FHIP1A: variants seen among roughly 807,000 people sequenced by gnomAD.
FHIP1A encodes the protein FHF complex subunit HOOK interacting protein 1A, also known as FHF complex subunit HOOK-interacting protein 1A.
Under a neutral mutation model 88.6 loss-of-function variants are expected in FHIP1A, and 61 were observed. The observed-to-expected ratio is 0.69, with a 90% confidence interval of 0.56 to 0.85. The LOEUF (loss-of-function observed/expected upper bound fraction) is 0.85, where lower values mean the gene tolerates loss of function less well. Ranked by LOEUF, FHIP1A falls within the 40% of genes least tolerant of loss-of-function variation. The probability of loss-of-function intolerance (pLI) is 0.00; values close to 1 mark genes in which losing one functional copy is unlikely to be tolerated. For synonymous variants in FHIP1A, 478 were observed against 496.0 expected (o/e 0.96, Z 0.48); for missense variants, 1,154 against 1,273.5 (o/e 0.91, Z 1.43).
intron 1 of FHIP1A, among the ~76,000 whole-genome samples, chr4:151,441,979 TG>T (rs1164110731): frequency 1.3e-5 from 2 of 152,242 alleles, no homozygotes; most frequent in Non-Finnish European, 2.9e-5. Context: ...AGTTAACATT[TG>T]CCTCCTATTT....
intron 3 of FHIP1A, among the ~76,000 whole-genome samples, chr4:151,539,331 C>G (rs943950163): frequency 6.6e-6 from 1 of 152,114 alleles, no homozygotes; most frequent in East Asian, 1.9e-4. Context: ...CCTGTAATCC[C>G]AGCGCTTTGG....
intron 7 of FHIP1A, among the ~76,000 whole-genome samples, chr4:151,593,439 T>G (rs202014816): frequency 3.9e-5 from 6 of 152,208 alleles, no homozygotes; most frequent in Non-Finnish European, 8.8e-5. Context: ...CTTATTTCCT[T>G]GAGCAGTGGT....
At chr4:151,479,485 T>A (rs1355239103) in intron 2 of FHIP1A, among the ~76,000 whole-genome samples, 1 of 152,124 alleles carries the variant, frequency 6.6e-6, no homozygotes, top group Non-Finnish European at 1.5e-5. Flanking sequence ...CCCAGTTCAA[T>A]CCTTTTTGAG....
rs185924286 is a variant in FHIP1A, at chr4:151,434,635, A to G, written c.-355-20066A>G. Reference sequence around the variant, plus strand: ...TTGGATTTTTTTTCCCCAGTCATTCATAAATGTTACCAGTTGGCTCATTTG... The same window carrying G: ...TTGGATTTTTTTTCCCCAGTCATTCGTAAATGTTACCAGTTGGCTCATTTG... On this transcript the variant is annotated intron_variant, in intron 1 of 13. Transcript: ENST00000435205. Among the ~76,000 whole-genome samples the G allele has an allele frequency of 5.9e-5, 9 of 152,310 alleles. No individual in the cohort carries two copies. In the East Asian group the frequency reaches 1.7e-3, roughly 29 times the overall value.
At chr4:151,522,019 C>T (rs1580663779) in intron 3 of FHIP1A, among the ~76,000 whole-genome samples, 2 of 152,312 alleles carry the variant, frequency 1.3e-5, no homozygotes, top group Non-Finnish European at 2.9e-5. Context: ...AGCTACCATG[C>T]CTGGCTGATG....
intron 7 of FHIP1A, among the ~76,000 whole-genome samples, chr4:151,591,429 A>AT (rs997252199): frequency 2.2e-4 from 34 of 151,534 alleles, no homozygotes; most frequent in African/African-American, 6.3e-4. Flanking sequence ...CATGAGCATT[A>AT]TTTTTTTTAA....
intron 1 of FHIP1A, among the ~76,000 whole-genome samples, chr4:151,413,735 A>G (rs992769131): frequency 1.3e-5 from 2 of 151,806 alleles, no homozygotes; most frequent in Non-Finnish European, 2.9e-5. Flanking sequence ...GATTACAGAC[A>G]TGAGCCACCG....
At chr4:151,457,481 G>A (rs1729007586) in intron 2 of FHIP1A, among the ~76,000 whole-genome samples, 1 of 152,012 alleles carries the variant, frequency 6.6e-6, no homozygotes, top group Admixed American at 6.6e-5. Flanking sequence ...GGGAGAGAGG[G>A]GTTTTGTGTT....
intron 3 of FHIP1A, among the ~76,000 whole-genome samples, chr4:151,536,590 C>T (rs1732079101): frequency 6.6e-6 from 1 of 152,180 alleles, no homozygotes; most frequent in African/African-American, 2.4e-5. Context: ...TTTTTTCGCT[C>T]AGCATAATTC....
At chr4:151,619,301 G>C (rs955786073) in intron 7 of FHIP1A, among the ~76,000 whole-genome samples, 1 of 152,148 alleles carries the variant, frequency 6.6e-6, no homozygotes, top group Non-Finnish European at 1.5e-5. Context: ...AAAATTAAAT[G>C]TTAGTGTTGT....
At chr4:151,593,582 A>G (rs191791375) in intron 7 of FHIP1A, among the ~76,000 whole-genome samples, 2 of 152,172 alleles carry the variant, frequency 1.3e-5, no homozygotes, top group Non-Finnish European at 2.9e-5. Context: ...ATTTATGTAT[A>G]GGAATGCTCG....
intron 13 of FHIP1A, among the ~76,000 whole-genome samples, chr4:151,658,599 TTC>T (rs1474303796): frequency 1.3e-5 from 2 of 152,192 alleles, no homozygotes; most frequent in Admixed American, 6.5e-5. Flanking sequence ...TTCTGCAGCA[TTC>T]TGTTGGCCAA....
intron 1 of FHIP1A, among the ~76,000 whole-genome samples, chr4:151,410,310 A>G (rs1732569885): frequency 6.6e-6 from 1 of 152,246 alleles, no homozygotes; most frequent in South Asian, 2.1e-4. Context: ...CTGAAGGGAA[A>G]GAGCCAAATG....
intron 1 of FHIP1A, among the ~76,000 whole-genome samples, chr4:151,446,724 C>T (rs982580995): frequency 2.0e-5 from 3 of 151,422 alleles, no homozygotes; most frequent in African/African-American, 7.3e-5. Flanking sequence ...GAGAATGTAT[C>T]CTTGTATTCA....
At chr4:151,466,110 G>C (rs1180521342) in intron 2 of FHIP1A, among the ~76,000 whole-genome samples, 5 of 152,136 alleles carry the variant, frequency 3.3e-5, no homozygotes, top group African/African-American at 1.2e-4. Flanking sequence ...AACTCCTTAA[G>C]CTGGTAAGCA....
At chr4:151,431,436 G>T (rs1733587834) in intron 1 of FHIP1A, among the ~76,000 whole-genome samples, 1 of 152,042 alleles carries the variant, frequency 6.6e-6, no homozygotes, top group Non-Finnish European at 1.5e-5. Context: ...CTTAAGCTGG[G>T]GTCATGTTAT....
intron 3 of FHIP1A, among the ~76,000 whole-genome samples, chr4:151,512,797 C>T (rs1731088065): frequency 6.6e-6 from 1 of 152,106 alleles, no homozygotes; most frequent in Admixed American, 6.5e-5. Context: ...AAATATGGGA[C>T]TATGTGAAAA....
intron 13 of FHIP1A, among the ~76,000 whole-genome samples, chr4:151,657,972 C>G (rs879485758): frequency 4.6e-5 from 7 of 152,144 alleles, no homozygotes; most frequent in Non-Finnish European, 1.0e-4. Context: ...CGGCTGAAGC[C>G]AGAACTTGGG....
intron 1 of FHIP1A, among the ~76,000 whole-genome samples, chr4:151,449,427 A>G (rs1374690015): frequency 2.0e-5 from 3 of 152,000 alleles, no homozygotes; most frequent in Non-Finnish European, 4.4e-5. Flanking sequence ...ATACATATAT[A>G]TGGGGTACAA....
Sources: allele counts gnomAD v4.1 joint callset (sites outside exome capture counted in the v4.1 genomes callset), GRCh38; gene constraint gnomAD v4.1.1; transcripts MANE v1.5; gene names NCBI Gene and HGNC (gene_info 2026-07-23, HGNC 2026-07-21).